ATXN1: variants seen among roughly 807,000 people sequenced by gnomAD.
ATXN1 encodes ataxin-1.
In ATXN1, 8 loss-of-function variants were observed where a neutral mutation model predicts 56.4. That is an observed-to-expected ratio of 0.14 (90% CI 0.08 to 0.26). ATXN1 has a LOEUF of 0.26. ATXN1 is among the 10% of genes least tolerant of loss of function. ATXN1 has a pLI of 1.00. For missense variants in ATXN1, 987 were observed against 1,106.5 expected, an observed-to-expected ratio of 0.89 and a Z score of 1.53; for synonymous variants, 514 against 494.6, an observed-to-expected ratio of 1.04 and a Z score of -0.52.
chr6:16,473,207 GA>G (rs1760256449), intron 6 of ATXN1, among the ~76,000 whole-genome samples: 2 of 152,034 alleles, frequency 1.3e-5, no homozygotes, highest in Non-Finnish European at 2.9e-5. Context: ...ACCTATAAAA[GA>G]TACCACTTCC....
chr6:16,501,953 T>A (rs561402432), intron 5 of ATXN1, among the ~76,000 whole-genome samples: 1 of 152,272 alleles, frequency 6.6e-6, no homozygotes, highest in African/African-American at 2.4e-5. Flanking sequence ...ATAAAAGCAT[T>A]CCTATTTCTC....
chr6:16,462,830 C>A (rs577015351), intron 6 of ATXN1, among the ~76,000 whole-genome samples: 6 of 152,260 alleles, frequency 3.9e-5, no homozygotes, highest in Admixed American at 2.0e-4. Flanking sequence ...TAGTAACTTC[C>A]AAGGCACCCA....
intron 3 of ATXN1, among the ~76,000 whole-genome samples, chr6:16,614,133 T>G (rs1763162877): frequency 6.6e-6 from 1 of 151,682 alleles, no homozygotes; most frequent in Admixed American, 6.6e-5. Flanking sequence ...TTTCCGAAGC[T>G]GCTATATGTC....
intron 4 of ATXN1, among the ~76,000 whole-genome samples, chr6:16,576,403 C>T (rs1762423180): frequency 6.6e-6 from 1 of 152,182 alleles, no homozygotes; most frequent in Non-Finnish European, 1.5e-5. Context: ...TCATCCAAAG[C>T]ATTTTCAATT....
chr6:16,349,205 A>G (rs1761514324), intron 6 of ATXN1, among the ~76,000 whole-genome samples: 1 of 152,174 alleles, frequency 6.6e-6, no homozygotes, highest in Non-Finnish European at 1.5e-5. Flanking sequence ...TCATCTGCAT[A>G]AAAAAATCAC....
chr6:16,723,229 G>A (rs369634177), intron 2 of ATXN1, among the ~76,000 whole-genome samples: 19 of 152,266 alleles, frequency 1.2e-4, no homozygotes, highest in African/African-American at 4.3e-4. Context: ...TCCAGAGATA[G>A]AGTAACATAC....
intron 6 of ATXN1, among the ~76,000 whole-genome samples, chr6:16,449,490 TTTC>T (rs1022516225): frequency 8.5e-5 from 13 of 152,172 alleles, no homozygotes; most frequent in Middle Eastern, 3.4e-3. Flanking sequence ...GGCTTATGAG[TTTC>T]TTCTTCTTCT....
intron 5 of ATXN1, among the ~76,000 whole-genome samples, chr6:16,520,441 A>T (rs1395120691): frequency 1.3e-5 from 2 of 152,222 alleles, no homozygotes; most frequent in South Asian, 4.1e-4. Flanking sequence ...AGGAAACCAA[A>T]GTAGCCACAA....
At chr6:16,475,307 T>C (rs1760304028) in intron 6 of ATXN1, among the ~76,000 whole-genome samples, 1 of 152,142 alleles carries the variant, frequency 6.6e-6, no homozygotes, top group Non-Finnish European at 1.5e-5. Flanking sequence ...ACAATGACAG[T>C]TAATGACAAC....
intron 4 of ATXN1, among the ~76,000 whole-genome samples, chr6:16,577,975 A>C (rs1762456052): frequency 6.6e-6 from 1 of 152,238 alleles, no homozygotes; most frequent in South Asian, 2.1e-4. Context: ...CACAAAGCTG[A>C]TAAGTTGCAG....
intron 2 of ATXN1, among the ~76,000 whole-genome samples, chr6:16,709,208 A>G (rs1183547498): frequency 2.0e-5 from 3 of 152,140 alleles, no homozygotes; most frequent in Non-Finnish European, 4.4e-5. Flanking sequence ...AGTAAATGAA[A>G]ACATCATTAA....
intron 6 of ATXN1, among the ~76,000 whole-genome samples, chr6:16,378,926 G>C (rs1238293422): frequency 6.6e-6 from 1 of 152,110 alleles, no homozygotes; most frequent in Non-Finnish European, 1.5e-5. Context: ...TCTACCCAGA[G>C]GAAAATAAGT....
chr6:16,331,653 G>A (rs1561855373), intron 6 of ATXN1, among the ~76,000 whole-genome samples: 1 of 152,216 alleles, frequency 6.6e-6, no homozygotes, highest in African/African-American at 2.4e-5. Context: ...ATTAGCCCAA[G>A]GCAGCACTAG....
chr6:16,578,664 C>T (rs892205864), intron 4 of ATXN1, among the ~76,000 whole-genome samples: 1 of 150,092 alleles, frequency 6.7e-6, no homozygotes, highest in African/African-American at 2.5e-5. Flanking sequence ...ATGCAGGGGG[C>T]AAAAGGAAGA....
At chr6:16,584,665 G>A (rs1188677297) in intron 4 of ATXN1, among the ~76,000 whole-genome samples, 1 of 147,854 alleles carries the variant, frequency 6.8e-6, no homozygotes, top group East Asian at 1.9e-4. Context: ...AAAATACATG[G>A]AAACACCATT....
chr6:16,491,461 T>G (rs1018370306), intron 5 of ATXN1, among the ~76,000 whole-genome samples: 25 of 151,842 alleles, frequency 1.6e-4, no homozygotes, highest in Non-Finnish European at 2.4e-4. Flanking sequence ...ATTTTTGGTA[T>G]TTTTAGTAGA....
At chr6:16,693,487 CCAAAGAGGT>C (rs1006033607) in intron 2 of ATXN1, among the ~76,000 whole-genome samples, 24 of 152,264 alleles carry the variant, frequency 1.6e-4, no homozygotes, top group African/African-American at 5.8e-4. Context: ...CCTCTCAAAG[CCAAAGAGGT>C]CAATCTCTAT....
Position 16,302,805 on chromosome 6 carries a change from A to G in ATXN1, c.*3524T>C, listed in dbSNP as rs1325047456. 6.5e-6 allele frequency: 1 copy of G among 152,674 alleles called. No homozygotes were observed. 9.5% of individuals were successfully genotyped at this position (152,674 alleles called of 1,614,324 possible). On this transcript the variant is annotated 3_prime_UTR_variant, in exon 8 of 8. Transcript: ENST00000436367. Reference sequence around the variant, plus strand: ...AAAGACGGCTGTCGGTAAATATTGCAAAGTGGACATAGTACAGAGGCACAT... The same window carrying G: ...AAAGACGGCTGTCGGTAAATATTGCGAAGTGGACATAGTACAGAGGCACAT...
intron 5 of ATXN1, among the ~76,000 whole-genome samples, chr6:16,505,822 T>C (rs1393496991): frequency 6.6e-6 from 1 of 152,190 alleles, no homozygotes; most frequent in Non-Finnish European, 1.5e-5. Flanking sequence ...GCGTCTATCT[T>C]TTAAACACTT....
Sources: gnomAD v4.1 joint callset for allele counts (sites outside exome capture counted in the v4.1 genomes callset) on GRCh38, gnomAD v4.1.1 for gene constraint, MANE v1.5 for transcripts, NCBI Gene and HGNC (gene_info 2026-07-23, HGNC 2026-07-21) for gene names.